ENTPD1: variants seen among roughly 807,000 people sequenced by gnomAD.
ENTPD1 encodes ectonucleoside triphosphate diphosphohydrolase 1.
A neutral mutation model predicts 57.0 loss-of-function variants in ENTPD1; 33 were observed. That is an observed-to-expected ratio of 0.58 (90% CI 0.44 to 0.77). The LOEUF is 0.77. Ranked by LOEUF, ENTPD1 falls within the 30% of genes least tolerant of loss-of-function variation. ENTPD1 has a pLI of 0.00. For missense variants in ENTPD1, 501 were observed against 603.4 expected (o/e 0.83, Z 1.78); for synonymous variants, 202 against 218.8 (o/e 0.92, Z 0.68).
At chr10:95,815,522 G>A (rs1419338156) in intron 1 of ENTPD1, among the ~76,000 whole-genome samples, 1 of 152,194 alleles carries the variant, frequency 6.6e-6, no homozygotes, top group Non-Finnish European at 1.5e-5. Context: ...TGGATAATGA[G>A]ATTGGCTACC....
At chr10:95,695,984 A>T in the ENTPD1 span, among the ~76,000 whole-genome samples, 1 of 152,086 alleles carries the variant, frequency 6.6e-6, no homozygotes, top group African/African-American at 2.4e-5. Context: ...TCCATTGTAC[A>T]TCTGATCAGA....
chr10:95,812,918 C>A (rs969735046), intron 1 of ENTPD1, among the ~76,000 whole-genome samples: 10 of 152,028 alleles, frequency 6.6e-5, no homozygotes, highest in African/African-American at 2.2e-4. Context: ...ACACATATTT[C>A]TTTTTCTTTG....
At chr10:95,720,824 C>G (rs35168849) in intron 1 of ENTPD1, among the ~76,000 whole-genome samples, 1 of 152,154 alleles carries the variant, frequency 6.6e-6, no homozygotes, top group South Asian at 2.1e-4. Context: ...ACACTGGAAG[C>G]AAGCCCTATT....
intron 8 of ENTPD1, chr10:95,861,413 C>CT (rs2098465113): frequency 6.6e-6 from 1 of 152,156 alleles, no homozygotes; most frequent in Non-Finnish European, 1.5e-5. Flanking sequence ...AGCAGCTGTA[C>CT]TTAAGTTGAC....
chr10:95,829,868 GATTAATCCATTCATGGATAA>G (rs1223058563), intron 2 of ENTPD1, among the ~76,000 whole-genome samples: 1 of 152,112 alleles, frequency 6.6e-6, no homozygotes, highest in Non-Finnish European at 1.5e-5. Context: ...CTCATGAATG[GATTAATCCATTCATGGATAA>G]ATGGATTGAG....
upstream of ENTPD1, chr10:95,754,710 C>T (rs780336139): frequency 6.6e-6 from 1 of 152,216 alleles, no homozygotes; most frequent in Non-Finnish European, 1.5e-5. Context: ...CGGGAGAAGA[C>T]ATCCATTGAG....
intron 2 of ENTPD1, among the ~76,000 whole-genome samples, chr10:95,827,183 G>T (rs1325999895): frequency 2.6e-5 from 4 of 152,118 alleles, no homozygotes; most frequent in Admixed American, 1.3e-4. Flanking sequence ...GCTGGGCGCG[G>T]TGGCTCACAC....
Position 95,868,763 on chromosome 10 carries a change from G to A in ENTPD1, c.*2380G>A. On this transcript the variant is annotated 3_prime_UTR_variant, in exon 10 of 10. Coordinates refer to ENST00000371205, the MANE Select transcript of ENTPD1 (RefSeq NM_001776.6). ...CTAAACACTTTCCCTCAGCAAGTTG[G>A]AATTAGACTTCACAAGTCTCCTTCA... 1.0e-6 allele frequency: 1 copy of A among 985,098 alleles called. No homozygotes were observed. The highest frequency in any genetic ancestry group is 1.1e-4 in the East Asian group (1 of 8,824). The allele number at this position is 985,098 out of a possible 1,614,324, so 61.0% of individuals were successfully genotyped here. A position where few individuals can be genotyped will look rare whatever the true frequency, so the allele number is the denominator to read the frequency against.
At chr10:95,724,456 G>C (rs890492254) in intron 1 of ENTPD1, among the ~76,000 whole-genome samples, 2 of 152,136 alleles carry the variant, frequency 1.3e-5, no homozygotes, top group African/African-American at 4.8e-5. Context: ...CTGACCTGGG[G>C]TTCTTGGCCT....
chr10:95,732,624 C>T (rs1034733192), intron 1 of ENTPD1, among the ~76,000 whole-genome samples: 1 of 152,098 alleles, frequency 6.6e-6, no homozygotes, highest in Non-Finnish European at 1.5e-5. Flanking sequence ...GGAACCCGCC[C>T]CCAATAATTC....
At chr10:95,694,220 C>T in the ENTPD1 span, 5 of 371,432 alleles carry the variant, frequency 1.3e-5, no homozygotes, top group East Asian at 3.6e-4. Context: ...AGGTTCCGCG[C>T]CCACTTCGCG....
intron 2 of ENTPD1, among the ~76,000 whole-genome samples, chr10:95,831,107 G>T (rs962049979): frequency 6.6e-6 from 1 of 152,176 alleles, no homozygotes. Context: ...AAATTCCTTT[G>T]AGGACCTTTT....
intron 2 of ENTPD1, among the ~76,000 whole-genome samples, chr10:95,828,917 G>A (rs1351898346): frequency 6.6e-6 from 1 of 151,994 alleles, no homozygotes; most frequent in Non-Finnish European, 1.5e-5. Flanking sequence ...CTCCATGTTG[G>A]TCAGGCTGGT....
At chr10:95,788,858 G>A (rs1472235286) in intron 1 of ENTPD1, among the ~76,000 whole-genome samples, 1 of 152,110 alleles carries the variant, frequency 6.6e-6, no homozygotes, top group South Asian at 2.1e-4. Context: ...AAAATAAACA[G>A]TTTTCCCCCG....
Position 95,839,674 on chromosome 10 carries a change from G to C in ENTPD1, c.145-17G>C. 6.2e-7 allele frequency: 1 copy of C among 1,613,770 alleles called. No individual in the cohort carries two copies. Among genetic ancestry groups the C allele is most frequent in the Non-Finnish European group, 8.5e-7 (1 of 1,179,720 alleles). On this transcript the variant is annotated splice_polypyrimidine_tract_variant and intron_variant, in intron 2 of 9. Transcript: ENST00000371205. ...GTGATGTGATACTGATAAGTTTTTGGTCTGTGTTGCTTTCAGTATGGGATT... is the reference window on the plus strand; with the variant it reads ...GTGATGTGATACTGATAAGTTTTTGCTCTGTGTTGCTTTCAGTATGGGATT...
At chr10:95,807,524 C>T (rs1025691820) in intron 1 of ENTPD1, among the ~76,000 whole-genome samples, 16 of 152,252 alleles carry the variant, frequency 1.1e-4, no homozygotes, top group Non-Finnish European at 2.2e-4. Flanking sequence ...ACCCGTTGTC[C>T]AACCAGTTCC....
At chr10:95,706,850 C>A (rs182354689), upstream of ENTPD1, among the ~76,000 whole-genome samples, 2 of 152,308 alleles carry the variant, frequency 1.3e-5, no homozygotes, top group East Asian at 3.9e-4. Context: ...GACCCCACCC[C>A]CTTCTGCCCA....
In ENTPD1 at chr10:95,860,026, A is replaced by G. The variant is rs531298814; in HGVS notation, c.1075-443A>G. On this transcript the variant is annotated intron_variant, in intron 7 of 9. Coordinates refer to ENST00000371205, the MANE Select transcript of ENTPD1 (RefSeq NM_001776.6). ...TTTTAAAGGAAAGCAGTACATATTC[A>G]TTATAGAAAATAGGCAAAAAATAAG... Among the ~76,000 whole-genome samples, 11 of 152,340 alleles carry G rather than the reference A, an allele frequency of 7.2e-5. No individual in the cohort carries two copies. The South Asian group carries it at 2.3e-3, about 32-fold the overall frequency.
intron 1 of ENTPD1, among the ~76,000 whole-genome samples, chr10:95,817,302 G>C (rs1312666261): frequency 6.6e-6 from 1 of 152,178 alleles, no homozygotes; most frequent in Non-Finnish European, 1.5e-5. Context: ...CACAAGCTCT[G>C]CTCTGATGGA....
Sources: allele counts gnomAD v4.1 joint callset (sites outside exome capture counted in the v4.1 genomes callset), GRCh38; gene constraint gnomAD v4.1.1; transcripts MANE v1.5; gene names NCBI Gene and HGNC (gene_info 2026-07-23, HGNC 2026-07-21).